SERAC1: variants seen among roughly 807,000 people sequenced by gnomAD.
SERAC1 encodes the protein serine active site containing 1, also known as protein SERAC1.
Under a neutral mutation model 85.7 loss-of-function variants are expected in SERAC1, and 36 were observed. That is an observed-to-expected ratio of 0.42 (90% CI 0.32 to 0.55). The LOEUF is 0.55. Among genes scored for constraint, SERAC1 ranks in the 20% least tolerant of loss-of-function variants. The pLI, the probability that SERAC1 is intolerant of heterozygous loss-of-function variation, is 0.11. For synonymous variants in SERAC1, 242 were observed against 265.3 expected (o/e 0.91, Z 0.85); for missense variants, 629 against 796.2 (o/e 0.79, Z 2.53).
intron 3 of SERAC1, among the ~76,000 whole-genome samples, chr6:158,153,997 A>G (rs952080973): frequency 2.0e-5 from 3 of 151,346 alleles, no homozygotes; most frequent in African/African-American, 7.3e-5. Flanking sequence ...AATAATAATA[A>G]TAACAATAAT....
chr6:158,144,083 A>G (rs1051612600), intron 7 of SERAC1, among the ~76,000 whole-genome samples: 7 of 152,324 alleles, frequency 4.6e-5, no homozygotes, highest in Admixed American at 1.3e-4. Flanking sequence ...TAGAGACTCC[A>G]AATTCCCAAA....
At chr6:158,150,720 G>A in intron 3 of SERAC1, 131 bp from the exon 4 acceptor site, 1 of 684,674 alleles carries the variant, frequency 1.5e-6, no homozygotes, top group East Asian at 2.5e-5. Flanking sequence ...ACAGTAATAT[G>A]CATATAACAT....
In SERAC1 at chr6:158,117,255, A is replaced by C; in HGVS notation, c.1403+472T>G. ...TGGTCTAAGACTGCACAGCAAATCA[A>C]AGGTAGGATCCGGCTACTCTCAGTC... On this transcript the variant is annotated intron_variant, in intron 13 of 16. Coordinates refer to ENST00000647468, the MANE Select transcript of SERAC1 (RefSeq NM_032861.4). This position sits in a 1 kb window ranked among gnomAD's most constrained non-coding sequence, Gnocchi z 4.3. The C allele has an allele frequency of 2.1e-6, 1 of 480,590 alleles. No homozygotes were observed. Among genetic ancestry groups the C allele is most frequent in the Non-Finnish European group, 3.7e-6 (1 of 270,460 alleles). The allele number at this position is 480,590 out of a possible 1,614,324, so 29.8% of individuals were successfully genotyped here. A position where few individuals can be genotyped will look rare whatever the true frequency, so the allele number is the denominator to read the frequency against.
chr6:158,113,427 C>T, intron 16 of SERAC1, 22 bp downstream of exon 16: 1 of 1,597,312 alleles, frequency 6.3e-7, no homozygotes, highest in Non-Finnish European at 8.6e-7. Context: ...TAACAGCCAA[C>T]AAGTTTCAAA....
intron 8 of SERAC1, among the ~76,000 whole-genome samples, chr6:158,135,561 C>T (rs553465640): frequency 2.6e-5 from 4 of 151,952 alleles, no homozygotes; most frequent in African/African-American, 4.8e-5. Flanking sequence ...AAAGAATTAC[C>T]GGGAAAATTC....
At chr6:158,112,467 T>A (rs1784169421) in intron 16 of SERAC1, 2 of 152,048 alleles carry the variant, frequency 1.3e-5, no homozygotes, top group Admixed American at 6.5e-5. Context: ...AAGTCCTTTT[T>A]AAAAACATCT....
rs1430722881 is a variant in SERAC1 at position 158,142,480 on chromosome 6, T to TC, written c.738+575dup. Among the ~76,000 whole-genome samples, 17 of 149,532 alleles carry TC rather than the reference T, an allele frequency of 1.1e-4. No homozygotes were observed. In the East Asian group the frequency reaches 2.3e-3, roughly 21 times the overall value. On this transcript the variant is annotated intron_variant, in intron 8 of 16. Coordinates refer to ENST00000647468, the MANE Select transcript of SERAC1 (RefSeq NM_032861.4). ...AGCCACTGCCCTCAGCCCTATTCAT[T>TC]CTTTTTTTTTTTTTTGAGGCGGAGT...
chr6:158,143,345 C>CTA (rs1784973316), intron 7 of SERAC1, among the ~76,000 whole-genome samples, 161 bp from the exon 8 acceptor site: 5 of 26,424 alleles, frequency 1.9e-4, no homozygotes, highest in Non-Finnish European at 3.6e-4. Flanking sequence ...CTCTCTCTCT[C>CTA]TCTATATATA....
intron 8 of SERAC1, among the ~76,000 whole-genome samples, chr6:158,141,578 T>C (rs1214693739): frequency 6.6e-6 from 1 of 152,224 alleles, no homozygotes. Context: ...AGAACTACTA[T>C]GCACACCTAG....
At chr6:158,145,522 CT>C (rs770977567) in intron 6 of SERAC1, among the ~76,000 whole-genome samples, 3,070 of 129,160 alleles carry the variant, frequency 0.024, 49 homozygotes, top group African/African-American at 0.064. Flanking sequence ...GAGAATTTTT[CT>C]TTTTTTTTTT....
At chr6:158,138,462 G>C (rs1293329091) in intron 8 of SERAC1, among the ~76,000 whole-genome samples, 2 of 143,230 alleles carry the variant, frequency 1.4e-5, no homozygotes, top group African/African-American at 5.2e-5. Context: ...AAAAAAGGTA[G>C]CATGGTGGTA....
chr6:158,144,048 C>T (rs1214915277), intron 7 of SERAC1, among the ~76,000 whole-genome samples: 1 of 152,142 alleles, frequency 6.6e-6, no homozygotes, highest in African/African-American at 2.4e-5. Flanking sequence ...TGCTGATATG[C>T]TATGGCATGT....
intron 15 of SERAC1, 111 bp downstream of exon 15, chr6:158,114,678 T>G: frequency 2.1e-6 from 1 of 468,168 alleles, no homozygotes; most frequent in Non-Finnish European, 2.8e-6. Flanking sequence ...TAAACACAAT[T>G]ATATACAAAT....
At chr6:158,166,517 T>C (rs1341415490) in intron 1 of SERAC1, among the ~76,000 whole-genome samples, 1 of 152,202 alleles carries the variant, frequency 6.6e-6, no homozygotes, top group Non-Finnish European at 1.5e-5. Flanking sequence ...AAGTTCAGCA[T>C]GGCAAATTCC....
At chr6:158,126,711 T>C (rs1433689246) in intron 10 of SERAC1, among the ~76,000 whole-genome samples, 1 of 152,182 alleles carries the variant, frequency 6.6e-6, no homozygotes, top group Non-Finnish European at 1.5e-5. Flanking sequence ...GGGAAAATCA[T>C]TAATCATAAA....
intron 2 of SERAC1, among the ~76,000 whole-genome samples, chr6:158,156,579 G>A (rs1164266441): frequency 1.3e-5 from 2 of 151,234 alleles, no homozygotes; most frequent in African/African-American, 4.9e-5. Flanking sequence ...GCCCTAAACT[G>A]TCTCCACCTT....
In SERAC1 at chr6:158,111,255, G is replaced by A. The variant is rs1396664644; in HGVS notation, c.*111C>T. 14 of 1,058,052 alleles carry A rather than the reference G, an allele frequency of 1.3e-5. No individual in the cohort carries two copies. The highest frequency in any genetic ancestry group is 1.8e-5 in the Non-Finnish European group (13 of 740,894). 65.5% of individuals were successfully genotyped at this position (1,058,052 alleles called of 1,614,324 possible). On this transcript the variant is annotated 3_prime_UTR_variant, in exon 17 of 17. Coordinates refer to ENST00000647468, the MANE Select transcript of SERAC1 (RefSeq NM_032861.4). ...TAGTCTGCAACACACTCCAGACCAT[G>A]TTGACGCTATGATCACTATGTTTGC...
intron 10 of SERAC1, among the ~76,000 whole-genome samples, chr6:158,122,112 A>G (rs1784435990): frequency 6.6e-6 from 1 of 152,196 alleles, no homozygotes; most frequent in Admixed American, 6.5e-5. Context: ...CCATTGTGTT[A>G]CAACTGTCTA....
At chr6:158,131,714 T>G (rs575645688) in intron 8 of SERAC1, among the ~76,000 whole-genome samples, 1 of 152,180 alleles carries the variant, frequency 6.6e-6, no homozygotes, top group African/African-American at 2.4e-5. Context: ...CAAGTGCACA[T>G]GCCCTTTAAT....
Sources: allele counts gnomAD v4.1 joint callset (sites outside exome capture counted in the v4.1 genomes callset), GRCh38; gene constraint gnomAD v4.1.1; non-coding constraint Gnocchi (gnomAD v3.1); transcripts MANE v1.5; gene names NCBI Gene and HGNC (gene_info 2026-07-23, HGNC 2026-07-21).